Variants in WDR59 observed in about 807,000 individuals in gnomAD.
WDR59 encodes WD repeat domain 59, also known as GATOR2 complex protein WDR59.
In WDR59, 100 loss-of-function variants were observed where a neutral mutation model predicts 131.2. That is an observed-to-expected ratio of 0.76 (90% CI 0.65 to 0.90). The LOEUF (loss-of-function observed/expected upper bound fraction) is 0.90. Among genes scored for constraint, WDR59 ranks in the 40% least tolerant of loss-of-function variants. The pLI is 0.00. For synonymous variants in WDR59, 601 were observed against 466.2 expected, an observed-to-expected ratio of 1.29 and a Z score of -3.72; for missense variants, 1,203 against 1,262.2, an observed-to-expected ratio of 0.95 and a Z score of 0.71.
intron 18 of WDR59, chr16:74,899,639 C>G: frequency 7.9e-7 from 1 of 1,259,180 alleles, no homozygotes. Flanking sequence ...GCATTTTATT[C>G]TTGGGCCTCG....
At chr16:74,962,085 A>C (rs1473453407) in intron 2 of WDR59, among the ~76,000 whole-genome samples, 2 of 152,154 alleles carry the variant, frequency 1.3e-5, no homozygotes. Context: ...AGTTTGTCAA[A>C]GATCAGATGG....
intron 17 of WDR59, among the ~76,000 whole-genome samples, chr16:74,907,359 T>C (rs937660741): frequency 4.6e-5 from 7 of 152,170 alleles, no homozygotes; most frequent in African/African-American, 1.7e-4. Context: ...GATTGGATCA[T>C]GGGGGCGGCG....
chr16:74,951,418 A>G (rs368863614), intron 4 of WDR59, 40 bp downstream of exon 4: 1 of 1,558,378 alleles, frequency 6.4e-7, no homozygotes, highest in Non-Finnish European at 8.7e-7. Flanking sequence ...GACTGTGACA[A>G]AGCAAGACAG....
At chr16:74,892,644 A>G in intron 19 of WDR59, 79 bp from the exon 20 acceptor site, 1 of 1,174,378 alleles carries the variant, frequency 8.5e-7, no homozygotes, top group South Asian at 1.3e-5. Flanking sequence ...TAACAGACAG[A>G]TGAGAACCTG....
At chr16:74,951,405 G>A (rs1215427981) in intron 4 of WDR59, 53 bp downstream of exon 4, 9 of 1,518,814 alleles carry the variant, frequency 5.9e-6, no homozygotes, top group Non-Finnish European at 7.2e-6. Context: ...TTCGTTCCCA[G>A]GGGACTGTGA....
chr16:74,877,137 C>G (rs1964251938), intron 25 of WDR59, among the ~76,000 whole-genome samples: 1 of 152,042 alleles, frequency 6.6e-6, no homozygotes, highest in African/African-American at 2.4e-5. Flanking sequence ...TTAAAACGAT[C>G]AATCAACGCG....
intron 16 of WDR59, among the ~76,000 whole-genome samples, chr16:74,909,230 G>C (rs374985672): frequency 3.4e-4 from 51 of 152,164 alleles, no homozygotes; most frequent in African/African-American, 9.6e-4. Flanking sequence ...CCAGGCGAAT[G>C]CCCCCTGCTA....
At chr16:74,874,565 A>C (rs1232782055) in intron 25 of WDR59, 121 bp from the exon 26 acceptor site, 53 of 754,916 alleles carry the variant, frequency 7.0e-5, no homozygotes, top group Non-Finnish European at 1.1e-4. Flanking sequence ...ATTCTCTTAG[A>C]CCAGTGGTTT....
intron 25 of WDR59, among the ~76,000 whole-genome samples, chr16:74,882,391 T>A (rs1964530326): frequency 6.6e-6 from 1 of 152,170 alleles, no homozygotes; most frequent in Admixed American, 6.5e-5. Context: ...ATTAAAATAA[T>A]CCTTGAAAGT....
At chr16:74,943,152 C>G (rs1420052428) in intron 6 of WDR59, among the ~76,000 whole-genome samples, 1 of 152,024 alleles carries the variant, frequency 6.6e-6, no homozygotes, top group East Asian at 1.9e-4. Context: ...TAGTAATTGA[C>G]TTGTCACACA....
At chr16:74,917,801 G>C in intron 11 of WDR59, 128 bp downstream of exon 11, 1 of 698,980 alleles carries the variant, frequency 1.4e-6, no homozygotes, top group Non-Finnish European at 2.2e-6. Context: ...TCAGTGAGAC[G>C]CACTCTCAAA....
chr16:74,911,557 C>T (rs184444915), intron 14 of WDR59, among the ~76,000 whole-genome samples: 2 of 152,296 alleles, frequency 1.3e-5, no homozygotes. Flanking sequence ...TCTGGATGAA[C>T]TGATGCATTA....
chr16:74,934,462 A>C (rs1334264890), intron 8 of WDR59, among the ~76,000 whole-genome samples: 2 of 152,186 alleles, frequency 1.3e-5, no homozygotes, highest in Non-Finnish European at 2.9e-5. Context: ...CAAGGCAATC[A>C]CTGATGCAGT....
intron 13 of WDR59, among the ~76,000 whole-genome samples, chr16:74,914,594 ATTTTT>A (rs34327012): frequency 1.5e-5 from 2 of 137,054 alleles, no homozygotes; most frequent in African/African-American, 5.4e-5. Context: ...ACAGCAGACT[ATTTTT>A]TTTTTTTTTT....
At chr16:74,920,623 T>C (rs2144995681) in intron 10 of WDR59, among the ~76,000 whole-genome samples, 1 of 152,282 alleles carries the variant, frequency 6.6e-6, no homozygotes, top group South Asian at 2.1e-4. Context: ...ACTCCTGGCC[T>C]CAAGTGATCC....
intron 16 of WDR59, among the ~76,000 whole-genome samples, chr16:74,909,249 G>T (rs1409164962): frequency 6.6e-6 from 1 of 152,016 alleles, no homozygotes; most frequent in Non-Finnish European, 1.5e-5. Context: ...TAAGAATCAG[G>T]GCTCTGAGTA....
chr16:74,955,029 G>T (rs1203099138), intron 3 of WDR59, among the ~76,000 whole-genome samples: 2 of 152,218 alleles, frequency 1.3e-5, no homozygotes, highest in Non-Finnish European at 1.5e-5. Context: ...AAATGTTTGG[G>T]AATTGGATAG....
At chr16:74,945,875 A>G (rs901676276) in intron 6 of WDR59, among the ~76,000 whole-genome samples, 1 of 149,866 alleles carries the variant, frequency 6.7e-6, no homozygotes, top group Non-Finnish European at 1.5e-5. Flanking sequence ...CTAGAGTGCA[A>G]TGGCGTGATC....
chr16:74,932,775 C>A (rs4888316), intron 8 of WDR59, among the ~76,000 whole-genome samples: 2 of 152,000 alleles, frequency 1.3e-5, no homozygotes, highest in East Asian at 1.9e-4. Context: ...AGGGGTGAGC[C>A]ACCATGCCCA....
Sources: gnomAD v4.1 joint callset for allele counts (sites outside exome capture counted in the v4.1 genomes callset) on GRCh38, gnomAD v4.1.1 for gene constraint, MANE v1.5 for transcripts, NCBI Gene and HGNC (gene_info 2026-07-23, HGNC 2026-07-21) for gene names.